RRM2: variants seen among roughly 807,000 people sequenced by gnomAD.
RRM2 encodes the protein ribonucleoside-diphosphate reductase subunit M2.
Under a neutral mutation model 45.9 loss-of-function variants are expected in RRM2, and 6 were observed. The ratio of observed to expected loss-of-function variants is 0.13; its 90% CI spans 0.07 to 0.26. The LOEUF (loss-of-function observed/expected upper bound fraction) is 0.26. Ranked by LOEUF, RRM2 falls within the 10% of genes least tolerant of loss-of-function variation. The pLI is 1.00. For synonymous variants in RRM2, 177 were observed against 173.0 expected (o/e 1.02, Z -0.18); for missense variants, 343 against 489.5 (o/e 0.70, Z 2.82).
At chr2:10,152,539 G>A (rs1434462984) in intron 3 of RRM2, among the ~76,000 whole-genome samples, 1 of 150,366 alleles carries the variant, frequency 6.7e-6, no homozygotes, top group African/African-American at 2.5e-5. Flanking sequence ...CCAGAGTGCA[G>A]TGGTGTGATC....
rs148562723 is a variant in RRM2, at chr2:10,168,859, C to T, written n.482+26484C>T. Among the ~76,000 whole-genome samples the T allele has an allele frequency of 1.7e-3, 254 of 152,344 alleles. 3 individuals carry two copies. Among genetic ancestry groups the T allele is most frequent in the African/African-American group, 5.5e-3 (229 of 41,576 alleles). ...AACCTGTGCAACTGTACCATGGACT[C>T]CTTCAGGCAGTGGCTCCCAACTCCC... On this transcript the variant is annotated intron_variant and non_coding_transcript_variant, in intron 3 of 3. Coordinates refer to the RRM2 transcript ENST00000381786.
At chr2:10,126,606 TTTACTGTCTGTAGACCC>T in intron 5 of RRM2, 2 of 451,458 alleles carry the variant, frequency 4.4e-6, no homozygotes, top group Non-Finnish European at 7.9e-6. Context: ...TGGACTATGT[TTTACTGTCTGTAGACCC>T]TGAAGCTCAA....
chr2:10,208,020 TTC>T (rs1222262314), intron 3 of RRM2, among the ~76,000 whole-genome samples: 2 of 152,238 alleles, frequency 1.3e-5, no homozygotes, highest in African/African-American at 4.8e-5. Context: ...GCAGATTCAC[TTC>T]TTTTTCACAT....
intron 3 of RRM2, among the ~76,000 whole-genome samples, chr2:10,144,071 C>A (rs1558386689): frequency 1.3e-5 from 2 of 152,204 alleles, no homozygotes; most frequent in Non-Finnish European, 2.9e-5. Flanking sequence ...CATCACTATT[C>A]ACGCACAGCG....
intron 3 of RRM2, among the ~76,000 whole-genome samples, chr2:10,149,721 G>A (rs539334311): frequency 6.6e-6 from 1 of 152,334 alleles, no homozygotes; most frequent in Non-Finnish European, 1.5e-5. Flanking sequence ...TGCAGTTGTA[G>A]GGCTGCTCAT....
downstream of RRM2, among the ~76,000 whole-genome samples, chr2:10,136,080 G>A (rs1406119219): frequency 1.3e-5 from 2 of 152,226 alleles, no homozygotes; most frequent in African/African-American, 2.4e-5. Context: ...CATTCCTACC[G>A]GATGTGAGAA....
intron 3 of RRM2, among the ~76,000 whole-genome samples, chr2:10,177,685 TCCTTCCTTCCTTC>T (rs941158189): frequency 2.7e-5 from 4 of 149,912 alleles, no homozygotes; most frequent in Admixed American, 6.6e-5. Context: ...CTTCCTTCCT[TCCTTCCTTCCTTC>T]CTTCCTTCCT....
upstream of RRM2, among the ~76,000 whole-genome samples, chr2:10,138,831 G>A (rs556708660): frequency 6.6e-6 from 1 of 152,276 alleles, no homozygotes; most frequent in East Asian, 1.9e-4. Context: ...CTCTTGGCCA[G>A]GCGTGGTGGC....
intron 5 of RRM2, among the ~76,000 whole-genome samples, chr2:10,126,209 T>G (rs1572488224): frequency 9.3e-5 from 11 of 118,024 alleles, no homozygotes; most frequent in East Asian, 4.9e-4. Flanking sequence ...CAATGTCTGG[T>G]GCCCTTGGCT....
At chr2:10,122,585 C>A, upstream of RRM2, 1 of 1,451,338 alleles carries the variant, frequency 6.9e-7, no homozygotes, top group South Asian at 1.4e-5. Context: ...CGCGCGGCCC[C>A]GCGGCCAGCC....
rs1193898722 is a variant in RRM2 at position 10,185,197 on chromosome 2, A to G, written n.483-25114A>G. 3.3e-5 allele frequency among the ~76,000 whole-genome samples: 5 copies of G among 152,204 alleles called. No homozygotes were observed. Among genetic ancestry groups the G allele is most frequent in the Admixed American group, 6.5e-5 (1 of 15,274 alleles). On this transcript the variant is annotated intron_variant and non_coding_transcript_variant, in intron 3 of 3. Coordinates refer to the RRM2 transcript ENST00000381786. The surrounding 1 kb of genome is among the most constrained non-coding windows in gnomAD (Gnocchi z 4.3). ...GATTTCCTCCACGCAGAGGAGAATC[A>G]GTATGCAGCTGTTAATTTTGGCTGC... is the stretch of plus-strand genomic sequence containing the variant.
Position 10,128,466 on chromosome 2 carries a change from G to A in RRM2, c.799-382G>A, listed in dbSNP as rs758887536. On this transcript the variant is annotated intron_variant, in intron 7 of 9. Transcript: ENST00000304567. The stretch of plus-strand genomic sequence containing the variant: ...TTGAAATTGCATACAAATTTCCTGA[G>A]CATCTAAAAACTAGCCTTATTACTG... 2.6e-5 allele frequency among the ~76,000 whole-genome samples: 4 copies of A among 152,208 alleles called. No individual in the cohort carries two copies. In the East Asian group the frequency reaches 7.7e-4, roughly 29 times the overall value.
chr2:10,146,433 C>CGCCTCTGCTCTGCGGAATAGGGA (rs1558387492), intron 3 of RRM2, among the ~76,000 whole-genome samples: 1 of 152,196 alleles, frequency 6.6e-6, no homozygotes, highest in Non-Finnish European at 1.5e-5. Flanking sequence ...TAGGGTGGGG[C>CGCCTCTGCTCTGCGGAATAGGGA]GCCTCTGCTC....
At chr2:10,131,914 G>A (rs1166999522), downstream of RRM2, among the ~76,000 whole-genome samples, 1 of 152,190 alleles carries the variant, frequency 6.6e-6, no homozygotes, top group Non-Finnish European at 1.5e-5. Flanking sequence ...AGCCGGGGCT[G>A]AGTTAACTTC....
At chr2:10,191,639 T>G (rs1240466462) in intron 3 of RRM2, among the ~76,000 whole-genome samples, 1 of 151,980 alleles carries the variant, frequency 6.6e-6, no homozygotes, top group Non-Finnish European at 1.5e-5. Context: ...TTCCTGGGTT[T>G]GGGAGGCTCA....
intron 4 of RRM2, 166 bp downstream of exon 4, chr2:10,124,018 C>T: frequency 3.1e-6 from 2 of 637,132 alleles, no homozygotes; most frequent in Admixed American, 5.3e-5. Context: ...GCAGTTCTTT[C>T]TTATGGTATT....
downstream of RRM2, among the ~76,000 whole-genome samples, chr2:10,135,786 A>G (rs560513564): frequency 6.6e-6 from 1 of 152,300 alleles, no homozygotes; most frequent in African/African-American, 2.4e-5. Flanking sequence ...GGCCTAAAGA[A>G]TGATTGTTCC....
At chr2:10,193,632 C>T (rs1158729923) in intron 3 of RRM2, among the ~76,000 whole-genome samples, 2 of 152,228 alleles carry the variant, frequency 1.3e-5, no homozygotes, top group Non-Finnish European at 2.9e-5. Context: ...TGACTGCCTA[C>T]CACACGCCCG....
chr2:10,182,269 C>T (rs1664075610), intron 3 of RRM2, among the ~76,000 whole-genome samples: 1 of 151,816 alleles, frequency 6.6e-6, no homozygotes, highest in Non-Finnish European at 1.5e-5. Flanking sequence ...ACCCGGGAGG[C>T]GGAGGTTGCA....
Sources: allele counts gnomAD v4.1 joint callset (sites outside exome capture counted in the v4.1 genomes callset), GRCh38; gene constraint gnomAD v4.1.1; non-coding constraint Gnocchi (gnomAD v3.1); transcripts MANE v1.5; gene names NCBI Gene and HGNC (gene_info 2026-07-23, HGNC 2026-07-21).